LPP: variants seen among roughly 807,000 people sequenced by gnomAD.
The protein encoded by LPP is lipoma-preferred partner.
A neutral mutation model predicts 60.4 loss-of-function variants in LPP; 38 were observed. The observed-to-expected ratio is 0.63, with a 90% CI of 0.49 to 0.83. The LOEUF (loss-of-function observed/expected upper bound fraction) is 0.83. LPP is among the 40% of genes least tolerant of loss of function. The pLI is 0.00. For synonymous variants in LPP, 328 were observed against 290.8 expected (o/e 1.13, Z -1.30); for missense variants, 902 against 783.6 (o/e 1.15, Z -1.80).
intron 11 of LPP, 125 bp downstream of exon 11, chr3:188,872,888 T>G (rs1768511897): frequency 7.0e-6 from 9 of 1,283,732 alleles, no homozygotes; most frequent in Non-Finnish European, 9.5e-6. Context: ...CTCATAGGAC[T>G]TGGGTTTTAG....
In LPP at chr3:188,874,593, A is replaced by C; in HGVS notation, c.*114A>C. On this transcript the variant is annotated 3_prime_UTR_variant, in exon 12 of 12. Coordinates refer to ENST00000617246, the MANE Select transcript of LPP (RefSeq NM_001375462.1). ...TAGTCTCTGTTCTTCATCTGCTATT[A>C]ACCTTGCCTTAGAAACACATAAATT... is the stretch of plus-strand genomic sequence containing the variant. 4.9e-6 allele frequency: 6 copies of C among 1,224,526 alleles called. No homozygotes were observed. The highest frequency in any genetic ancestry group is 1.6e-5 in the South Asian group (1 of 60,858). The allele number at this position is 1,224,526 out of a possible 1,614,324, so 75.9% of individuals were successfully genotyped here.
intron 9 of LPP, among the ~76,000 whole-genome samples, chr3:188,826,540 G>T (rs1451286983): frequency 6.6e-6 from 1 of 152,090 alleles, no homozygotes; most frequent in Non-Finnish European, 1.5e-5. Context: ...GGCCATCCAT[G>T]GTCTTACCCC....
chr3:188,250,080 C>T (rs1355430114), intron 2 of LPP, among the ~76,000 whole-genome samples: 3 of 152,124 alleles, frequency 2.0e-5, no homozygotes, highest in African/African-American at 2.4e-5. Context: ...ACTGTCTGTA[C>T]TTCTCCTTTG....
intron 2 of LPP, among the ~76,000 whole-genome samples, chr3:188,306,538 A>G (rs1475791679): frequency 2.0e-5 from 3 of 152,190 alleles, no homozygotes; most frequent in East Asian, 3.8e-4. Flanking sequence ...CCCTTTATCT[A>G]GCTTAACCTC....
intron 9 of LPP, among the ~76,000 whole-genome samples, chr3:188,851,897 T>C (rs1762760106): frequency 1.3e-5 from 2 of 152,280 alleles, no homozygotes; most frequent in African/African-American, 4.8e-5. Context: ...GCGTGGTGGC[T>C]CATGCCTTTA....
At chr3:188,301,272 T>C (rs1296483857) in intron 2 of LPP, among the ~76,000 whole-genome samples, 1 of 152,264 alleles carries the variant, frequency 6.6e-6, no homozygotes, top group South Asian at 2.1e-4. Flanking sequence ...ATGATTTTGA[T>C]GAAAACTTAT....
chr3:188,562,033 A>G (rs985485701), intron 6 of LPP, among the ~76,000 whole-genome samples: 6 of 148,868 alleles, frequency 4.0e-5, no homozygotes, highest in African/African-American at 7.4e-5. Flanking sequence ...AGTGTGTACT[A>G]TTTATAATCA....
At chr3:188,692,426 A>G (rs1862335757) in intron 7 of LPP, among the ~76,000 whole-genome samples, 1 of 152,208 alleles carries the variant, frequency 6.6e-6, no homozygotes, top group South Asian at 2.1e-4. Flanking sequence ...GACTCACTTG[A>G]TGTACTTTTT....
At position 188,849,167 on chromosome 3, in the gene LPP, G is replaced by A. The variant is rs149176404; in HGVS notation, c.1411-17033G>A. On this transcript the variant is annotated intron_variant, in intron 9 of 11. Transcript: ENST00000617246. ...CGACCACTGTGGAGTGATGCCAGAC[G>A]GCTGTGCCATTCCAGTGCACTGAGG... is the stretch of plus-strand genomic sequence containing the variant. Among the ~76,000 whole-genome samples, 363 of 152,278 alleles carry A rather than the reference G, an allele frequency of 2.4e-3. 3 individuals carry two copies. The highest frequency in any genetic ancestry group is 8.2e-3 in the African/African-American group (341 of 41,556).
At chr3:188,649,250 A>C (rs1365932091) in intron 7 of LPP, among the ~76,000 whole-genome samples, 1 of 152,254 alleles carries the variant, frequency 6.6e-6, no homozygotes, top group Admixed American at 6.5e-5. Context: ...ATGCTCTGAC[A>C]GTAGCATTTA....
chr3:188,284,752 T>C (rs1321025905), intron 2 of LPP, among the ~76,000 whole-genome samples: 1 of 152,218 alleles, frequency 6.6e-6, no homozygotes, highest in Non-Finnish European at 1.5e-5. Flanking sequence ...AGTTTAGTAA[T>C]GACTGCGAGA....
At chr3:188,838,354 CT>C (rs1315374329) in intron 9 of LPP, among the ~76,000 whole-genome samples, 1 of 152,092 alleles carries the variant, frequency 6.6e-6, no homozygotes, top group Non-Finnish European at 1.5e-5. Flanking sequence ...TCATATGCAC[CT>C]TTTGAAACTC....
chr3:188,604,708 A>G (rs530511728), intron 6 of LPP, among the ~76,000 whole-genome samples: 1 of 152,278 alleles, frequency 6.6e-6, no homozygotes, highest in Admixed American at 6.5e-5. Context: ...ACCTTCATTC[A>G]TTCATCAAAT....
intron 4 of LPP, among the ~76,000 whole-genome samples, chr3:188,481,663 A>G (rs973540368): frequency 2.6e-5 from 4 of 152,176 alleles, no homozygotes; most frequent in Non-Finnish European, 5.9e-5. Context: ...TAGCTTCTTT[A>G]TGACATAGTT....
intron 6 of LPP, among the ~76,000 whole-genome samples, chr3:188,589,561 C>A (rs549505777): frequency 1.3e-5 from 2 of 152,220 alleles, no homozygotes; most frequent in South Asian, 2.1e-4. Context: ...TTTGAAAACT[C>A]GAATGCCAGT....
chr3:188,499,715 T>C (rs73890531), intron 5 of LPP, among the ~76,000 whole-genome samples: 2,365 of 152,288 alleles, frequency 0.016, 55 homozygotes, highest in African/African-American at 0.053. Flanking sequence ...GACATCTTAG[T>C]TATATTAAGT....
intron 7 of LPP, among the ~76,000 whole-genome samples, chr3:188,692,912 G>C (rs553424709): frequency 6.6e-6 from 1 of 152,334 alleles, no homozygotes; most frequent in Non-Finnish European, 1.5e-5. Context: ...CAGCAGAATT[G>C]AGTCCTGAAT....
intron 7 of LPP, among the ~76,000 whole-genome samples, chr3:188,704,678 G>C (rs1341617895): frequency 1.3e-5 from 2 of 152,078 alleles, no homozygotes; most frequent in Non-Finnish European, 2.9e-5. Flanking sequence ...TCCTAATTGA[G>C]AACATGCAAA....
chr3:188,674,954 T>C (rs890602307), intron 7 of LPP, among the ~76,000 whole-genome samples: 6 of 152,228 alleles, frequency 3.9e-5, no homozygotes, highest in Admixed American at 2.0e-4. Flanking sequence ...TGAATATTAC[T>C]ATTGTGTTGC....
Sources: gnomAD v4.1 joint callset for allele counts (sites outside exome capture counted in the v4.1 genomes callset) on GRCh38, gnomAD v4.1.1 for gene constraint, MANE v1.5 for transcripts, NCBI Gene and HGNC (gene_info 2026-07-23, HGNC 2026-07-21) for gene names.